Variants in OSBP2 observed in about 807,000 individuals in gnomAD.
The protein encoded by OSBP2 is oxysterol binding protein 2, also known as oxysterol-binding protein 2.
In OSBP2, 66 loss-of-function variants were observed where a neutral mutation model predicts 96.0. That is an observed-to-expected ratio of 0.69 (90% CI 0.56 to 0.84). OSBP2 has a LOEUF of 0.84. Ranked by LOEUF, OSBP2 falls within the 40% of genes least tolerant of loss-of-function variation. The pLI, the probability that OSBP2 is intolerant of heterozygous loss-of-function variation, is 0.00. For synonymous variants in OSBP2, 525 were observed against 520.9 expected (o/e 1.01, Z -0.11); for missense variants, 1,038 against 1,222.7 (o/e 0.85, Z 2.25).
chr22:30,893,084 G>A (rs768806062), intron 8 of OSBP2, 38 bp from the exon 9 acceptor site: 1 of 1,608,982 alleles, frequency 6.2e-7, no homozygotes, highest in Non-Finnish European at 8.5e-7. Context: ...CTGGGCTCAT[G>A]TCTGGCAGAT....
At chr22:30,806,424 T>C (rs2090928907) in intron 2 of OSBP2, among the ~76,000 whole-genome samples, 1 of 152,154 alleles carries the variant, frequency 6.6e-6, no homozygotes, top group Admixed American at 6.5e-5. Context: ...GTACCTTCCC[T>C]TCCTGGCCTG....
intron 2 of OSBP2, among the ~76,000 whole-genome samples, chr22:30,748,923 G>C (rs1246245126): frequency 6.6e-6 from 1 of 152,158 alleles, no homozygotes; most frequent in Non-Finnish European, 1.5e-5. Context: ...CGAGATCAGC[G>C]TGGCCAACAT....
chr22:30,842,033 C>A (rs1242903701), intron 2 of OSBP2, among the ~76,000 whole-genome samples: 1 of 151,982 alleles, frequency 6.6e-6, no homozygotes, highest in Non-Finnish European at 1.5e-5. Flanking sequence ...GGAGCCTTCA[C>A]CTCCCTGGGC....
chr22:30,854,262 A>G (rs1212322654), intron 2 of OSBP2, among the ~76,000 whole-genome samples: 1 of 151,100 alleles, frequency 6.6e-6, no homozygotes, highest in East Asian at 1.9e-4. Context: ...GTAACCCTAC[A>G]ATACACTTTG....
At chr22:30,814,295 C>T (rs936322076) in intron 2 of OSBP2, among the ~76,000 whole-genome samples, 1 of 151,936 alleles carries the variant, frequency 6.6e-6, no homozygotes, top group Non-Finnish European at 1.5e-5. Flanking sequence ...CTGAGGCCTC[C>T]TCTGCTTGTG....
At chr22:30,710,455 A>G (rs1050059629) in intron 1 of OSBP2, among the ~76,000 whole-genome samples, 4 of 152,148 alleles carry the variant, frequency 2.6e-5, no homozygotes, top group African/African-American at 9.7e-5. Flanking sequence ...AAAGATGCTC[A>G]TGTTGTCCGG....
rs143917864 is a variant in OSBP2 at position 30,824,623 on chromosome 22, C to T, written c.854-45806C>T. ...TCGTTATGGGAATTGATTGTGTCCT[C>T]GTCCCCAGCATGCAAACAGGGTGAG... On this transcript the variant is annotated intron_variant, in intron 2 of 13. Coordinates refer to ENST00000332585, the MANE Select transcript of OSBP2 (RefSeq NM_030758.4). 2.1e-3 allele frequency among the ~76,000 whole-genome samples: 322 copies of T among 152,262 alleles called. 1 individual carries two copies. Among genetic ancestry groups the T allele is most frequent in the Non-Finnish European group, 3.6e-3 (247 of 68,028 alleles).
At chr22:30,839,799 A>G (rs538972890) in intron 2 of OSBP2, among the ~76,000 whole-genome samples, 2 of 151,800 alleles carry the variant, frequency 1.3e-5, no homozygotes, top group African/African-American at 4.8e-5. Flanking sequence ...GGTTGCCTGT[A>G]CACTCTGATG....
chr22:30,796,649 G>A (rs1041548248), intron 2 of OSBP2, among the ~76,000 whole-genome samples: 1 of 151,996 alleles, frequency 6.6e-6, no homozygotes, highest in African/African-American at 2.4e-5. Context: ...GGGATTACAG[G>A]CTCATGCCAC....
At chr22:30,695,621 G>A (rs2089015339) in intron 1 of OSBP2, 68 bp downstream of exon 1, 1 of 1,540,838 alleles carries the variant, frequency 6.5e-7, no homozygotes. Context: ...GTGATGGAGG[G>A]CCTCCATGGT....
At chr22:30,698,655 G>A (rs2089099030) in intron 1 of OSBP2, among the ~76,000 whole-genome samples, 1 of 152,036 alleles carries the variant, frequency 6.6e-6, no homozygotes, top group Non-Finnish European at 1.5e-5. Flanking sequence ...GGCCGGGATG[G>A]TCTCAAACTC....
At chr22:30,697,671 G>A (rs1208059688) in intron 1 of OSBP2, among the ~76,000 whole-genome samples, 2 of 152,226 alleles carry the variant, frequency 1.3e-5, no homozygotes, top group Admixed American at 6.5e-5. Context: ...TGCTAGTTTT[G>A]TGGGGAGGAG....
At position 30,887,480 on chromosome 22, in the gene OSBP2, G is replaced by T. The variant is rs747270414; in HGVS notation, c.1162G>T (p.Ala388Ser). 1.7e-5 allele frequency: 27 copies of T among 1,613,712 alleles called. No homozygotes were observed. Among genetic ancestry groups the T allele is most frequent in the Non-Finnish European group, 1.5e-5 (18 of 1,180,022 alleles). ...GATACACAGTCGGAAATGGCAGCGG[G>T]CACTGCAGTATGAGCAGGAGCAGCG... Reference protein sequence around the residue: ...AEIHSRKWQRALQYEQEQRVH... With the variant: ...AEIHSRKWQRSLQYEQEQRVH... The change falls in exon 4 of 14, where the codon GCA (alanine) becomes TCA (serine). Residue 388 changes from alanine to serine, a missense_variant. Ala to Ser is a moderately conservative substitution (Grantham distance 99, BLOSUM62 1). Transcript: ENST00000332585.
At chr22:30,875,215 C>T (rs998128777) in intron 3 of OSBP2, among the ~76,000 whole-genome samples, 3 of 152,218 alleles carry the variant, frequency 2.0e-5, no homozygotes, top group Middle Eastern at 3.4e-3. Context: ...CCCTGCACCC[C>T]GCACCCCCCT....
intron 2 of OSBP2, among the ~76,000 whole-genome samples, chr22:30,835,883 A>G (rs531907780): frequency 2.0e-5 from 3 of 151,910 alleles, no homozygotes; most frequent in African/African-American, 7.2e-5. Context: ...ACACCTGGCT[A>G]AATTTTTTTT....
At chr22:30,820,223 A>G (rs1448136259) in intron 2 of OSBP2, among the ~76,000 whole-genome samples, 10 of 151,940 alleles carry the variant, frequency 6.6e-5, no homozygotes, top group Admixed American at 6.6e-4. Flanking sequence ...TCTACAAAAA[A>G]TAAAAATAAA....
intron 2 of OSBP2, among the ~76,000 whole-genome samples, chr22:30,837,516 A>G (rs1166600702): frequency 2.6e-5 from 4 of 152,190 alleles, no homozygotes; most frequent in Admixed American, 2.0e-4. Context: ...TGTGTGAAGA[A>G]GAAACTATTG....
chr22:30,903,811 T>C (rs2040268206), intron 12 of OSBP2, among the ~76,000 whole-genome samples: 1 of 152,248 alleles, frequency 6.6e-6, no homozygotes, highest in Non-Finnish European at 1.5e-5. Context: ...CATAATGAGA[T>C]ACTGTGCTTC....
At chr22:30,825,181 A>C (rs2146988654) in intron 2 of OSBP2, among the ~76,000 whole-genome samples, 1 of 152,272 alleles carries the variant, frequency 6.6e-6, no homozygotes, top group East Asian at 1.9e-4. Flanking sequence ...CCCATCTAAA[A>C]GATGGCATTA....
Sources: allele counts gnomAD v4.1 joint callset (sites outside exome capture counted in the v4.1 genomes callset), GRCh38; gene constraint gnomAD v4.1.1; transcripts MANE v1.5; gene names NCBI Gene and HGNC (gene_info 2026-07-23, HGNC 2026-07-21).